Variants in NRXN3 observed in about 807,000 individuals in gnomAD.
The protein encoded by NRXN3 is neurexin III.
NRXN3 carries 32 observed loss-of-function variants against 137.6 expected under a neutral mutation model. The ratio of observed to expected loss-of-function variants is 0.23; its 90% confidence interval spans 0.18 to 0.31. The LOEUF is 0.31. Ranked by LOEUF, NRXN3 falls within the 10% of genes least tolerant of loss-of-function variation. The probability of loss-of-function intolerance (pLI) is 1.00; values close to 1 mark genes in which losing one functional copy is unlikely to be tolerated. For synonymous variants in NRXN3, 798 were observed against 784.5 expected, an observed-to-expected ratio of 1.02 and a Z score of -0.29; for missense variants, 1,574 against 2,062.5, an observed-to-expected ratio of 0.76 and a Z score of 4.59.
At chr14:79,382,242 C>T (rs1251543141) in intron 15 of NRXN3, among the ~76,000 whole-genome samples, 1 of 152,156 alleles carries the variant, frequency 6.6e-6, no homozygotes, top group Non-Finnish European at 1.5e-5. Flanking sequence ...GGCCAGTTGT[C>T]ACCACCTGTG....
chr14:79,426,898 C>T (rs1256332759), intron 15 of NRXN3, among the ~76,000 whole-genome samples: 1 of 152,042 alleles, frequency 6.6e-6, no homozygotes, highest in Admixed American at 6.6e-5. Flanking sequence ...AAGAATTCTC[C>T]CCTGGGTGTT....
intron 4 of NRXN3, among the ~76,000 whole-genome samples, chr14:78,370,587 A>G (rs2086662354): frequency 6.6e-6 from 1 of 152,232 alleles, no homozygotes; most frequent in Non-Finnish European, 1.5e-5. Context: ...CTAAAAAGCC[A>G]GTGTCTCTTG....
chr14:79,209,458 A>C (rs1277057587), intron 15 of NRXN3, among the ~76,000 whole-genome samples: 3 of 151,738 alleles, frequency 2.0e-5, no homozygotes, highest in African/African-American at 7.3e-5. Flanking sequence ...ATAAATTCTG[A>C]GTCATAAGTA....
chr14:79,733,523 T>C (rs1603451989), intron 19 of NRXN3, among the ~76,000 whole-genome samples: 1 of 152,132 alleles, frequency 6.6e-6, no homozygotes, highest in South Asian at 2.1e-4. Flanking sequence ...CTGTGCAGGA[T>C]TGCAACAATT....
chr14:79,853,144 C>A lies in NRXN3; in HGVS notation c.4094-8198C>A, dbSNP rs113847587. 1.4e-4 allele frequency among the ~76,000 whole-genome samples: 21 copies of A among 152,210 alleles called. 1 individual carries two copies. Among genetic ancestry groups the A allele is most frequent in the African/African-American group, 3.6e-4 (15 of 41,526 alleles). On this transcript the variant is annotated intron_variant, in intron 20 of 20. Coordinates refer to ENST00000335750, the MANE Select transcript of NRXN3 (RefSeq NM_001330195.2). ...CATTTCTCTATAGAGAAGTAATTAGCAACCCAGTGCGTGGGCCCCCTGCTT... is the reference window on the plus strand; with the variant it reads ...CATTTCTCTATAGAGAAGTAATTAGAAACCCAGTGCGTGGGCCCCCTGCTT...
chr14:79,176,932 T>G (rs1387749026), intron 15 of NRXN3, among the ~76,000 whole-genome samples: 1 of 152,186 alleles, frequency 6.6e-6, no homozygotes, highest in African/African-American at 2.4e-5. Context: ...GAAGCATTGT[T>G]GGATGGATAG....
intron 8 of NRXN3, among the ~76,000 whole-genome samples, chr14:78,715,930 A>G (rs552501476): frequency 3.3e-5 from 5 of 152,312 alleles, no homozygotes; most frequent in African/African-American, 1.2e-4. Context: ...GACCTAACAT[A>G]CCATACAGGT....
At chr14:78,449,623 A>G (rs1287780980) in intron 4 of NRXN3, among the ~76,000 whole-genome samples, 2 of 152,250 alleles carry the variant, frequency 1.3e-5, no homozygotes, top group African/African-American at 4.8e-5. Flanking sequence ...CGCACCATTT[A>G]ATTTGACCCT....
intron 15 of NRXN3, among the ~76,000 whole-genome samples, chr14:79,259,123 C>G (rs144689711): frequency 1.3e-5 from 2 of 152,106 alleles, no homozygotes; most frequent in Non-Finnish European, 2.9e-5. Flanking sequence ...AGGGGAGAAT[C>G]GCAACCTGTG....
At chr14:78,754,107 A>G (rs1486937316) in intron 8 of NRXN3, among the ~76,000 whole-genome samples, 2 of 152,172 alleles carry the variant, frequency 1.3e-5, no homozygotes, top group Non-Finnish European at 2.9e-5. Context: ...GATTGGTTAA[A>G]ATGGAAGTTT....
intron 3 of NRXN3, among the ~76,000 whole-genome samples, chr14:78,290,410 A>G (rs2075683367): frequency 6.6e-6 from 1 of 152,188 alleles, no homozygotes; most frequent in South Asian, 2.1e-4. Flanking sequence ...GTAAGGAACT[A>G]GTGAACCCTG....
Position 78,988,629 on chromosome 14 carries a change from C to A in NRXN3, c.3262+488C>A, listed in dbSNP as rs971714022. Among the ~76,000 whole-genome samples the A allele has an allele frequency of 3.9e-5, 6 of 152,208 alleles. 1 individual carries two copies. The highest frequency in any genetic ancestry group is 3.9e-4 in the Admixed American group (6 of 15,276). On this transcript the variant is annotated intron_variant, in intron 15 of 20. Coordinates refer to ENST00000335750, the MANE Select transcript of NRXN3 (RefSeq NM_001330195.2). ...AGGCCTTACAAATGACAAAGACATTCAAGAGTTTATTTTTTACAATTAGCA... is the reference window on the plus strand; with the variant it reads ...AGGCCTTACAAATGACAAAGACATTAAAGAGTTTATTTTTTACAATTAGCA...
At chr14:78,492,661 C>T (rs2095690994) in intron 4 of NRXN3, among the ~76,000 whole-genome samples, 1 of 152,188 alleles carries the variant, frequency 6.6e-6, no homozygotes, top group Non-Finnish European at 1.5e-5. Context: ...ATACACTCTA[C>T]TCCAGCCAGG....
At chr14:78,745,008 T>C (rs2098600668) in intron 8 of NRXN3, 1 of 152,190 alleles carries the variant, frequency 6.6e-6, no homozygotes, top group African/African-American at 2.4e-5. Context: ...GATCCAGCAT[T>C]AGTCAAGCTA....
Position 78,173,939 on chromosome 14 carries a change from C to G in NRXN3, c.-704+3265C>G, listed in dbSNP as rs565262867. On this transcript the variant is annotated intron_variant, in intron 1 of 20. Transcript: ENST00000335750. The stretch of plus-strand genomic sequence containing the variant: ...TACCTCCACCATGGCTCCTTCCCCC[C>G]ATCTTTGCATGGGGACTGCGGTCAC... Among the ~76,000 whole-genome samples, 7 of 152,044 alleles carry G rather than the reference C, an allele frequency of 4.6e-5. No individual in the cohort carries two copies. The East Asian group carries it at 9.8e-4, about 21-fold the overall frequency.
chr14:79,819,412 C>T (rs2242639), intron 20 of NRXN3, among the ~76,000 whole-genome samples: 108,757 of 149,118 alleles, frequency 0.73, 40,128 homozygotes, highest in East Asian at 0.85. Flanking sequence ...ATTTTATAGT[C>T]GTTCCCAACA....
chr14:79,564,060 C>A (rs148515757), intron 16 of NRXN3, among the ~76,000 whole-genome samples: 4 of 151,860 alleles, frequency 2.6e-5, no homozygotes, highest in African/African-American at 9.7e-5. Context: ...GGCAATGATG[C>A]TTAGTGAAGT....
chr14:79,465,638 C>T (rs1263510809), intron 15 of NRXN3, among the ~76,000 whole-genome samples: 1 of 152,208 alleles, frequency 6.6e-6, no homozygotes. Flanking sequence ...CTTTGGTCAA[C>T]ATAATTCTAC....
intron 16 of NRXN3, among the ~76,000 whole-genome samples, chr14:79,519,476 A>C (rs1001319290): frequency 6.6e-6 from 1 of 152,052 alleles, no homozygotes; most frequent in Non-Finnish European, 1.5e-5. Context: ...TTGTTTAAAA[A>C]TTTTGTATTA....
Sources: gnomAD v4.1 joint callset for allele counts (sites outside exome capture counted in the v4.1 genomes callset) on GRCh38, gnomAD v4.1.1 for gene constraint, MANE v1.5 for transcripts, NCBI Gene and HGNC (gene_info 2026-07-23, HGNC 2026-07-21) for gene names.